UBR2: variants seen among roughly 807,000 people sequenced by gnomAD.
UBR2 encodes E3 ubiquitin-protein ligase UBR2.
UBR2 carries 92 observed loss-of-function variants against 247.9 expected under a neutral mutation model. The observed-to-expected ratio is 0.37, with a 90% CI of 0.31 to 0.44. The LOEUF is 0.44. Among genes scored for constraint, UBR2 ranks in the 20% least tolerant of loss-of-function variants. The pLI is 1.00. For missense variants in UBR2, 1,613 were observed against 2,112.6 expected, an observed-to-expected ratio of 0.76 and a Z score of 4.64; for synonymous variants, 672 against 693.5, an observed-to-expected ratio of 0.97 and a Z score of 0.49.
rs746701641 is a variant in UBR2 at position 42,658,702 on chromosome 6, G to A, written c.3120G>A (p.Leu1040=). The A allele has an allele frequency of 1.2e-6, 2 of 1,613,228 alleles. No homozygotes were observed. The highest frequency in any genetic ancestry group is 2.2e-5 in the East Asian group (1 of 44,842). The change falls in exon 29 of 47, where the codon CTG becomes CTA. Residue 1040 remains leucine, a synonymous_variant. Coordinates refer to ENST00000372901, the MANE Select transcript of UBR2 (RefSeq NM_001363705.2). The part of the protein sequence containing the change: ...ERKRKAEIAR[L]RREKIMAQMS... ...AGAGAAAAGCAGAGATTGCCAGACTGCGCAGAGAAAAGATCATGGCTCAGA... is the reference window on the plus strand; with the variant it reads ...AGAGAAAAGCAGAGATTGCCAGACTACGCAGAGAAAAGATCATGGCTCAGA...
chr6:42,616,395 A>G (rs1188238496), intron 10 of UBR2, among the ~76,000 whole-genome samples: 1 of 152,036 alleles, frequency 6.6e-6, no homozygotes, highest in Non-Finnish European at 1.5e-5. Context: ...AAATTCATAT[A>G]AGGAAACTAA....
chr6:42,625,603 C>T (rs1036361387), intron 11 of UBR2, among the ~76,000 whole-genome samples: 1 of 151,886 alleles, frequency 6.6e-6, no homozygotes, highest in East Asian at 1.9e-4. Context: ...GCATGCACCA[C>T]CACACTCGGC....
intron 22 of UBR2, 83 bp downstream of exon 22, chr6:42,648,253 C>A: frequency 8.7e-7 from 1 of 1,151,700 alleles, no homozygotes; most frequent in Non-Finnish European, 1.3e-6. Flanking sequence ...TTTGATGCAA[C>A]TGAGAATGAA....
At chr6:42,667,999 T>C (rs1329182590) in intron 34 of UBR2, among the ~76,000 whole-genome samples, 1 of 152,120 alleles carries the variant, frequency 6.6e-6, no homozygotes, top group Non-Finnish European at 1.5e-5. Context: ...CCTCAGGTGA[T>C]CCACCCGCCT....
chr6:42,684,606 CA>C (rs761193366), intron 43 of UBR2, among the ~76,000 whole-genome samples, 187 bp from the exon 44 acceptor site: 14 of 145,724 alleles, frequency 9.6e-5, no homozygotes, highest in African/African-American at 2.5e-4. Context: ...AAAACAAAAA[CA>C]AAAAAAAAAC....
intron 11 of UBR2, among the ~76,000 whole-genome samples, chr6:42,631,884 ATATAT>A (rs1165208424): frequency 2.1e-5 from 3 of 140,396 alleles, no homozygotes; most frequent in African/African-American, 7.9e-5. Context: ...ATATATATAT[ATATAT>A]AAATACAGGT....
chr6:42,636,507 C>G (rs1796103045), intron 14 of UBR2, among the ~76,000 whole-genome samples: 1 of 151,998 alleles, frequency 6.6e-6, no homozygotes, highest in African/African-American at 2.4e-5. Context: ...AAGTGGGAAG[C>G]CTTTAGAGAT....
rs146352536 is a variant in UBR2, at chr6:42,680,788, G to A, written c.4718+956G>A. ...GATAAGGGATTAACATCCAGAATAG[G>A]CCGGGCACAGTGGCTCACCCCTGTA... On this transcript the variant is annotated intron_variant, in intron 42 of 46. Coordinates refer to ENST00000372901, the MANE Select transcript of UBR2 (RefSeq NM_001363705.2). 2.1e-3 allele frequency among the ~76,000 whole-genome samples: 327 copies of A among 152,278 alleles called. 2 individuals are homozygous for A. The highest frequency in any genetic ancestry group is 6.5e-3 in the African/African-American group (270 of 41,564).
At chr6:42,611,741 A>G (rs997279475) in intron 7 of UBR2, among the ~76,000 whole-genome samples, 1 of 151,726 alleles carries the variant, frequency 6.6e-6, no homozygotes, top group Admixed American at 6.6e-5. Context: ...CCCTGTCTCT[A>G]CTAAAAATAC....
chr6:42,581,965 T>G (rs987043275), intron 2 of UBR2, among the ~76,000 whole-genome samples: 1 of 152,156 alleles, frequency 6.6e-6, no homozygotes, highest in Non-Finnish European at 1.5e-5. Flanking sequence ...AATTTTGCAC[T>G]GTTAAAAATC....
intron 11 of UBR2, among the ~76,000 whole-genome samples, chr6:42,632,056 TAA>T (rs1296746615): frequency 0.032 from 4,109 of 126,762 alleles, 81 homozygotes; most frequent in Non-Finnish European, 0.044. Flanking sequence ...TTTGCTTATT[TAA>T]AAAAAAAAAA....
In UBR2 at chr6:42,612,261, T is replaced by C; in HGVS notation, c.955T>C (p.Ser319Pro). ...TCAGAATTTTGGTTTGAAACTTTTG[T>C]CTTGGCTGGGAAGTATTATTGGATA... ...AHQNFGLKLLSWLGSIIGYSD... is the reference protein window; with the variant it reads ...AHQNFGLKLLPWLGSIIGYSD... Residue 319 changes from serine (S) to proline (P), a missense_variant, in exon 8 of 47, where the codon TCT (serine) becomes CCT (proline). This residue lies in a region of UBR2 where 1,524 missense variants were observed against 1,967.3 expected (regional missense o/e 0.77). Transcript: ENST00000372901. 6.5e-7 allele frequency: 1 copy of C among 1,537,152 alleles called. No homozygotes were observed. Among genetic ancestry groups the C allele is most frequent in the Non-Finnish European group, 8.9e-7 (1 of 1,126,174 alleles).
intron 8 of UBR2, among the ~76,000 whole-genome samples, chr6:42,612,844 T>C (rs183448477): frequency 6.6e-6 from 1 of 152,358 alleles, no homozygotes; most frequent in Admixed American, 6.5e-5. Context: ...CTCATGCCTG[T>C]AATCCTAGCA....
rs1397327961 is a variant in UBR2 at position 42,655,486 on chromosome 6, CA to C, written c.2770-132del. Reference sequence around the variant, plus strand: ...AAAAAAGAAAAAAAAATTAGTACTTCAAATTGTTTTTAATTGCATTTAGTAT... The same window carrying C: ...AAAAAAGAAAAAAAAATTAGTACTTCAATTGTTTTTAATTGCATTTAGTAT... On this transcript the variant is annotated intron_variant, in intron 25 of 46. Coordinates refer to ENST00000372901, the MANE Select transcript of UBR2 (RefSeq NM_001363705.2). 4 of 518,694 alleles carry C rather than the reference CA, an allele frequency of 7.7e-6. No individual in the cohort carries two copies. In the African/African-American group the frequency reaches 8.2e-5, roughly 11 times the overall value. The allele number at this position is 518,694 out of a possible 1,614,324, so 32.1% of individuals were successfully genotyped here. A position where few individuals can be genotyped will look rare whatever the true frequency, so the allele number is the denominator to read the frequency against.
intron 7 of UBR2, among the ~76,000 whole-genome samples, chr6:42,610,882 G>A (rs1008720088): frequency 7.0e-6 from 1 of 142,402 alleles, no homozygotes; most frequent in East Asian, 2.1e-4. Flanking sequence ...TTTTGCTCTT[G>A]TTGCTCAGGT....
rs781556365 is a variant in UBR2, at chr6:42,662,281, A to G, written c.3536+4A>G. 3 of 1,564,674 alleles carry G rather than the reference A, an allele frequency of 1.9e-6. No individual in the cohort carries two copies. The highest frequency in any genetic ancestry group is 1.8e-5 in the Admixed American group (1 of 54,816). On this transcript the variant is annotated splice_donor_region_variant and intron_variant, in intron 31 of 46. Coordinates refer to ENST00000372901, the MANE Select transcript of UBR2 (RefSeq NM_001363705.2). ...TGCATGCCCATTGTTGGCAAAGGTA[A>G]TGTATATTCTTAATATTTGTCAAGA...
chr6:42,607,946 G>A (rs1242027658), intron 7 of UBR2, among the ~76,000 whole-genome samples: 1 of 151,708 alleles, frequency 6.6e-6, no homozygotes, highest in Admixed American at 6.6e-5. Context: ...TTGTTTTTAG[G>A]TTTATCTGTG....
At position 42,644,311 on chromosome 6, in the gene UBR2, G is replaced by T. The variant is rs34284300; in HGVS notation, c.2195G>T (p.Arg732Ile). The T allele has an allele frequency of 1.2e-6, 2 of 1,613,268 alleles. No individual in the cohort carries two copies. The highest frequency in any genetic ancestry group is 1.3e-5 in the African/African-American group (1 of 74,910). ...TTCAGTACTCCAGACTATGGAAAAAGATTTAGTTCTGAGATTACCCATAAG... is the reference window on the plus strand; with the variant it reads ...TTCAGTACTCCAGACTATGGAAAAATATTTAGTTCTGAGATTACCCATAAG... ...QIFSTPDYGK[R>I]FSSEITHKDV... The change falls in exon 19 of 47, where the codon AGA (arginine) becomes ATA (isoleucine). Residue 732 changes from arginine (R) to isoleucine (I), a missense_variant. Physicochemically the swap from Arg to Ile is moderately conservative, Grantham distance 97. Coordinates refer to ENST00000372901, the MANE Select transcript of UBR2 (RefSeq NM_001363705.2).
intron 15 of UBR2, among the ~76,000 whole-genome samples, chr6:42,639,331 G>A (rs1796285114): frequency 6.6e-6 from 1 of 152,218 alleles, no homozygotes; most frequent in African/African-American, 2.4e-5. Context: ...GGTGGCTCAT[G>A]CCTGTAATCC....
Sources: allele counts gnomAD v4.1 joint callset (sites outside exome capture counted in the v4.1 genomes callset), GRCh38; gene constraint gnomAD v4.1.1; regional missense constraint gnomAD v4.1.1; transcripts MANE v1.5; gene names NCBI Gene and HGNC (gene_info 2026-07-23, HGNC 2026-07-21).